The following OXLD1 variants were observed in gnomAD, a reference collection of about 807,000 sequenced individuals.
The protein encoded by OXLD1 is oxidoreductase-like domain-containing protein 1.
Under a neutral mutation model 3.1 loss-of-function variants are expected in OXLD1, and 4 were observed. That is an observed-to-expected ratio of 1.28 (90% CI 0.63 to 2.92). The LOEUF is 2.92. OXLD1 is among the 30% of genes most tolerant of loss of function. OXLD1 has a pLI of 0.01. For synonymous variants in OXLD1, 100 were observed against 87.0 expected, an observed-to-expected ratio of 1.15 and a Z score of -0.83; for missense variants, 240 against 204.6, an observed-to-expected ratio of 1.17 and a Z score of -1.05.
rs781678635 is a variant in OXLD1, at chr17:81,665,134, G to A, written c.*67C>T. 80 of 1,514,518 alleles carry A rather than the reference G, an allele frequency of 5.3e-5. No individual in the cohort carries two copies. Among genetic ancestry groups the A allele is most frequent in the Non-Finnish European group, 6.9e-5 (78 of 1,127,410 alleles). The allele number at this position is 1,514,518 out of a possible 1,614,324, so 93.8% of individuals were successfully genotyped here. ...GGACACAAGGAGTCTGTGAGGGGGT[G>A]TGAAGGAAGGAGGCTGCGGCTGCGT... On this transcript the variant is annotated 3_prime_UTR_variant, in exon 2 of 2. Coordinates refer to ENST00000374741, the MANE Select transcript of OXLD1 (RefSeq NM_001039842.3).
chr17:81,665,408 C>T lies in OXLD1; in HGVS notation c.237G>A (p.Ser79=), dbSNP rs758805163. 2.8e-5 allele frequency: 45 copies of T among 1,613,378 alleles called. No individual in the cohort carries two copies. The highest frequency in any genetic ancestry group is 2.6e-4 in the South Asian group (24 of 91,070). The change falls in exon 2 of 2, where the codon TCG becomes TCA. Residue 79 remains serine (S), a synonymous_variant. Transcript: ENST00000374741. ...TGGGCGGCTGGAGCTCAGGTGGCAG[C>T]GATGCCTTGGGCGGCCTGGTGCCGT... The part of the protein sequence containing the change: ...GADGTRPPKA[S]LPPELQPPTN...
intron 1 of OXLD1, chr17:81,666,303 G>A (rs1339783107): frequency 7.5e-6 from 4 of 532,202 alleles, no homozygotes; most frequent in Non-Finnish European, 1.3e-5. Context: ...CCAAGGCTAA[G>A]CGGCCCCTCC....
chr17:81,665,802 A>G (rs1568196843), intron 1 of OXLD1: 3 of 590,508 alleles, frequency 5.1e-6, no homozygotes, highest in East Asian at 6.2e-5. Context: ...GTGATTCACA[A>G]GAAGTGCCAG....
chr17:81,666,098 C>T (rs1450968924), intron 1 of OXLD1: 1 of 417,630 alleles, frequency 2.4e-6, no homozygotes, highest in African/African-American at 2.1e-5. Context: ...GGCAGTCTTC[C>T]GTCGCTGCCC....
intron 1 of OXLD1, 144 bp from the exon 2 acceptor site, chr17:81,665,728 G>T: frequency 2.2e-6 from 2 of 924,550 alleles, no homozygotes; most frequent in South Asian, 3.6e-5. Context: ...CTTTAGACAT[G>T]TTATTTCACC....
In OXLD1 at chr17:81,665,331, T is replaced by G. The variant is rs758998587; in HGVS notation, c.314A>C (p.Asp105Ala). ...GTCCTGGAAGTGCTGCAGCAGCCTGTCCGCGTACTCCACCCACACGCAGTT... is the reference window on the plus strand; with the variant it reads ...GTCCTGGAAGTGCTGCAGCAGCCTGGCCGCGTACTCCACCCACACGCAGTT... ...CPNCVWVEYA[D>A]RLLQHFQDGG... Residue 105 changes from aspartate to alanine, a missense_variant, in exon 2 of 2, where the codon GAC becomes GCC. Transcript: ENST00000374741. The G allele has an allele frequency of 4.3e-6, 7 of 1,613,456 alleles. No individual in the cohort carries two copies. The highest frequency in any genetic ancestry group is 5.9e-6 in the Non-Finnish European group (7 of 1,180,008).
chr17:81,665,499 TGC>T lies in OXLD1; in HGVS notation c.144_145del (p.Gln49SerfsTer3). ...GAATTTTCTGCGCCCATCAGGGGCTTGCGCTCCGGGATGGTGCCTTTGAAGAA... is the reference window on the plus strand; with the variant it reads ...GAATTTTCTGCGCCCATCAGGGGCTTGCTCCGGGATGGTGCCTTTGAAGAA... On this transcript the variant is annotated frameshift_variant, in exon 2 of 2. Transcript: ENST00000374741. LOFTEE classifies it low-confidence loss of function (END_TRUNC). 1 of 1,612,758 alleles carries T rather than the reference TGC, an allele frequency of 6.2e-7. No homozygotes were observed. The highest frequency in any genetic ancestry group is 1.1e-5 in the South Asian group (1 of 91,064).
chr17:81,666,604 C>T lies in OXLD1; in HGVS notation c.-27G>A. 1 of 1,400,684 alleles carries T rather than the reference C, an allele frequency of 7.1e-7. No homozygotes were observed. The allele number at this position is 1,400,684 out of a possible 1,614,324, so 86.8% of individuals were successfully genotyped here. ...GCCCGCGGACGGGATCCGGCAACCC[C>T]TGACCGTGAGCGGCGGGCGCTCCGG... On this transcript the variant is annotated 5_prime_UTR_variant, in exon 1 of 2. Transcript: ENST00000374741.
chr17:81,666,282 T>C (rs1417407741), intron 1 of OXLD1: 5 of 496,944 alleles, frequency 1.0e-5, no homozygotes, highest in Non-Finnish European at 1.8e-5. Context: ...TTCACCGGGC[T>C]GCTTCCTCTC....
Position 81,665,451 on chromosome 17 carries a change from C to G in OXLD1, c.194G>C (p.Gly65Ala), listed in dbSNP as rs1448582127. ...RKFGTDHVEVGSQAGADGTRP... is the reference protein window; with the variant it reads ...RKFGTDHVEVASQAGADGTRP... The stretch of plus-strand genomic sequence containing the variant: ...GGTGCCGTCCGCACCTGCTTGGGAG[C>G]CCACCTCTACGTGGTCTGTCCCGAA... Residue 65 changes from glycine to alanine, a missense_variant, in exon 2 of 2, where the codon GGC becomes GCC. Transcript: ENST00000374741. The G allele has an allele frequency of 6.2e-7, 1 of 1,613,472 alleles. No homozygotes were observed. The highest frequency in any genetic ancestry group is 8.5e-7 in the Non-Finnish European group (1 of 1,180,024).
In OXLD1 at chr17:81,665,433, T is replaced by G; in HGVS notation, c.212A>C (p.Asp71Ala). 1 of 1,613,456 alleles carries G rather than the reference T, an allele frequency of 6.2e-7. No homozygotes were observed. The highest frequency in any genetic ancestry group is 8.5e-7 in the Non-Finnish European group (1 of 1,180,018). Residue 71 changes from aspartate to alanine, a missense_variant, in exon 2 of 2, where the codon GAC becomes GCC. Coordinates refer to ENST00000374741, the MANE Select transcript of OXLD1 (RefSeq NM_001039842.3). ...CGATGCCTTGGGCGGCCTGGTGCCG[T>G]CCGCACCTGCTTGGGAGCCCACCTC... is the stretch of plus-strand genomic sequence containing the variant. ...HVEVGSQAGADGTRPPKASLP... is the reference protein window; with the variant it reads ...HVEVGSQAGAAGTRPPKASLP...
chr17:81,665,517 C>G lies in OXLD1; in HGVS notation c.128G>C (p.Arg43Thr). The change falls in exon 2 of 2, where the codon AGG (arginine) becomes ACG (threonine). Residue 43 changes from arginine to threonine, a missense_variant. Arg to Thr is a moderately conservative substitution (Grantham distance 71). Coordinates refer to ENST00000374741, the MANE Select transcript of OXLD1 (RefSeq NM_001039842.3). ...AGGGGCTTGCGCTCCGGGATGGTGC[C>G]TTTGAAGAAAGCTGCCACCTCCAGG... ...RLPGGGSFLQ[R>T]HHPGAQAPDG... 1 of 1,610,840 alleles carries G rather than the reference C, an allele frequency of 6.2e-7. No homozygotes were observed. The highest frequency in any genetic ancestry group is 8.5e-7 in the Non-Finnish European group (1 of 1,178,322).
At chr17:81,666,350 G>A in intron 1 of OXLD1, 168 bp downstream of exon 1, 1 of 724,754 alleles carries the variant, frequency 1.4e-6, no homozygotes, top group Non-Finnish European at 2.1e-6. Context: ...AGAGCCGATG[G>A]AGGAGAGGAG....
In OXLD1 at chr17:81,665,120, G is replaced by A; in HGVS notation, c.*81C>T. The A allele has an allele frequency of 4.1e-6, 6 of 1,459,838 alleles. No homozygotes were observed. In the South Asian group the frequency reaches 8.1e-5, roughly 20 times the overall value. 90.4% of individuals were successfully genotyped at this position (1,459,838 alleles called of 1,614,324 possible). On this transcript the variant is annotated 3_prime_UTR_variant, in exon 2 of 2. Transcript: ENST00000374741. ...TTCCTATTCCCGTTGGACACAAGGA[G>A]TCTGTGAGGGGGTGTGAAGGAAGGA...
At position 81,665,381 on chromosome 17, in the gene OXLD1, T is replaced by G; in HGVS notation, c.264A>C (p.Thr88=). 1 of 1,613,626 alleles carries G rather than the reference T, an allele frequency of 6.2e-7. No homozygotes were observed. The highest frequency in any genetic ancestry group is 2.2e-5 in the East Asian group (1 of 44,888). The change falls in exon 2 of 2, where the codon ACA becomes ACC. Residue 88 remains threonine, a synonymous_variant. Coordinates refer to ENST00000374741, the MANE Select transcript of OXLD1 (RefSeq NM_001039842.3). ...ASLPPELQPP[T]NCCMSGCPNC... is the part of the protein sequence containing the mutation. Reference sequence around the variant, plus strand: ...TGGGGCAGCCACTCATGCAGCAGTTTGTGGGCGGCTGGAGCTCAGGTGGCA... The same window carrying G: ...TGGGGCAGCCACTCATGCAGCAGTTGGTGGGCGGCTGGAGCTCAGGTGGCA...
intron 1 of OXLD1, 91 bp downstream of exon 1, chr17:81,666,427 G>A (rs1164079027): frequency 1.4e-6 from 2 of 1,436,478 alleles, no homozygotes; most frequent in Non-Finnish European, 1.9e-6. Context: ...CGGGTGGAGG[G>A]GCCGGGGCTC....
At chr17:81,666,271 G>A in intron 1 of OXLD1, 2 of 488,556 alleles carry the variant, frequency 4.1e-6, no homozygotes, top group East Asian at 7.0e-5. Flanking sequence ...GAAAGTGGCC[G>A]TTCACCGGGC....
intron 1 of OXLD1, chr17:81,666,219 G>A (rs867948384): frequency 2.1e-6 from 1 of 486,676 alleles, no homozygotes; most frequent in Middle Eastern, 5.0e-4. Context: ...CCAGAGCCCA[G>A]GAGGGCTCGC....
chr17:81,666,377 G>C (rs948960806), intron 1 of OXLD1, 141 bp downstream of exon 1: 2 of 988,172 alleles, frequency 2.0e-6, no homozygotes, highest in Non-Finnish European at 2.9e-6. Context: ...GTCCTTCGGC[G>C]GCGGCCAGCG....
Sources: allele counts gnomAD v4.1 joint callset, GRCh38; gene constraint gnomAD v4.1.1; transcripts MANE v1.5; gene names NCBI Gene and HGNC (gene_info 2026-07-23, HGNC 2026-07-21).